The following RUNX2 variants were observed in gnomAD, a reference collection of about 807,000 sequenced individuals.
RUNX2 encodes the protein runt-related transcription factor 2.
Under a neutral mutation model 51.7 loss-of-function variants are expected in RUNX2, and 10 were observed. That is an observed-to-expected ratio of 0.19 (90% CI 0.12 to 0.33). The LOEUF is 0.33. RUNX2 is among the 10% of genes least tolerant of loss of function. RUNX2 has a pLI of 1.00. For missense variants in RUNX2, 562 were observed against 691.3 expected, an observed-to-expected ratio of 0.81 and a Z score of 2.10; for synonymous variants, 276 against 273.6, an observed-to-expected ratio of 1.01 and a Z score of -0.09.
At position 45,547,184 on chromosome 6, in the gene RUNX2, T is replaced by C; in HGVS notation, c.1445T>C (p.Leu482Pro). The change falls in exon 9 of 9, where the codon CTA becomes CCA. Residue 482 changes from leucine to proline, a missense_variant. By Grantham distance (98) the Leu-to-Pro change is moderately conservative. Transcript: ENST00000647337. Reference sequence around the variant, plus strand: ...ACCACCACCTCGAATGGCAGCACGCTATTAAATCCAAATTTGCCTAACCAG... The same window carrying C: ...ACCACCACCTCGAATGGCAGCACGCCATTAAATCCAAATTTGCCTAACCAG... ...PCTTTSNGST[L>P]LNPNLPNQND... is the part of the protein sequence containing the mutation. 1 of 1,614,188 alleles carries C rather than the reference T, an allele frequency of 6.2e-7. No individual in the cohort carries two copies. The highest frequency in any genetic ancestry group is 8.5e-7 in the Non-Finnish European group (1 of 1,180,032).
intron 2 of RUNX2, among the ~76,000 whole-genome samples, chr6:45,395,394 G>T (rs374165384): frequency 1.3e-5 from 2 of 152,152 alleles, no homozygotes; most frequent in Non-Finnish European, 2.9e-5. Flanking sequence ...ACTGTTTTAT[G>T]CTCAAATCTG....
At chr6:45,371,693 T>G (rs1423113920) in intron 2 of RUNX2, among the ~76,000 whole-genome samples, 1 of 152,192 alleles carries the variant, frequency 6.6e-6, no homozygotes, top group South Asian at 2.1e-4. Context: ...GGTCATTAAG[T>G]TATCTTGGAG....
At chr6:45,517,386 G>A (rs1259850512) in intron 7 of RUNX2, among the ~76,000 whole-genome samples, 1 of 151,980 alleles carries the variant, frequency 6.6e-6, no homozygotes, top group Non-Finnish European at 1.5e-5. Flanking sequence ...ATGTTGCCTG[G>A]GCTGGTCTCG....
chr6:45,449,871 T>TA (rs1281634228), intron 5 of RUNX2, among the ~76,000 whole-genome samples: 1 of 152,102 alleles, frequency 6.6e-6, no homozygotes, highest in African/African-American at 2.4e-5. Context: ...AAATTAACTT[T>TA]AAAAAATTGC....
chr6:45,391,071 C>T (rs544293315), intron 2 of RUNX2, among the ~76,000 whole-genome samples: 11 of 152,194 alleles, frequency 7.2e-5, no homozygotes, highest in Non-Finnish European at 1.5e-4. Flanking sequence ...ATAGTCTAAC[C>T]GGAAAAAATG....
chr6:45,417,841 T>C (rs1164518768), intron 2 of RUNX2, among the ~76,000 whole-genome samples: 1 of 152,248 alleles, frequency 6.6e-6, no homozygotes, highest in African/African-American at 2.4e-5. Context: ...ATTATTCTTT[T>C]AATTTTTCAA....
intron 7 of RUNX2, among the ~76,000 whole-genome samples, chr6:45,531,950 C>T (rs530237758): frequency 3.9e-5 from 6 of 152,194 alleles, no homozygotes; most frequent in Non-Finnish European, 7.4e-5. Flanking sequence ...AAATAGCTCA[C>T]GTGGTATCTC....
At chr6:45,339,211 A>C (rs977462771) in intron 2 of RUNX2, among the ~76,000 whole-genome samples, 1 of 152,146 alleles carries the variant, frequency 6.6e-6, no homozygotes, top group Non-Finnish European at 1.5e-5. Context: ...TCACTAGCCT[A>C]TACAAGACTT....
intron 2 of RUNX2, among the ~76,000 whole-genome samples, chr6:45,381,213 T>C (rs1175309982): frequency 6.6e-6 from 1 of 152,214 alleles, no homozygotes; most frequent in Non-Finnish European, 1.5e-5. Context: ...AAAAGATTAC[T>C]CAGCCCGGTA....
chr6:45,478,533 G>T (rs1372161320), intron 5 of RUNX2, among the ~76,000 whole-genome samples: 2 of 152,170 alleles, frequency 1.3e-5, no homozygotes, highest in African/African-American at 4.8e-5. Context: ...AAGTTTTCCT[G>T]CTCCTTGTAT....
intron 5 of RUNX2, among the ~76,000 whole-genome samples, chr6:45,472,001 A>G (rs1419666266): frequency 6.6e-6 from 1 of 152,218 alleles, no homozygotes; most frequent in African/African-American, 2.4e-5. Flanking sequence ...TTAAGAAAAT[A>G]AATCTGATGA....
At chr6:45,342,167 T>C (rs1468570784) in intron 2 of RUNX2, among the ~76,000 whole-genome samples, 1 of 151,830 alleles carries the variant, frequency 6.6e-6, no homozygotes, top group Non-Finnish European at 1.5e-5. Flanking sequence ...ATGAGGAAAA[T>C]AGGAAAGGGT....
intron 2 of RUNX2, among the ~76,000 whole-genome samples, chr6:45,404,184 C>T (rs1797780263): frequency 7.1e-6 from 1 of 140,144 alleles, no homozygotes; most frequent in African/African-American, 2.7e-5. Flanking sequence ...TGCTTGGAAC[C>T]AGGTGGCAGA....
At chr6:45,396,101 T>C (rs954784826) in intron 2 of RUNX2, among the ~76,000 whole-genome samples, 1 of 152,206 alleles carries the variant, frequency 6.6e-6, no homozygotes, top group African/African-American at 2.4e-5. Context: ...ATTATAAAGC[T>C]TTAGTATAAA....
rs1262219211 is a variant in RUNX2 at position 45,550,863 on chromosome 6, T to C, written c.*3558T>C. ...AAGCTTTCATTTTTATTTTTTCCAA[T>C]TGCTATTGCCCAAGAATTGCTTTCC... On this transcript the variant is annotated 3_prime_UTR_variant, in exon 9 of 9. Transcript: ENST00000647337. 3.3e-5 allele frequency: 5 copies of C among 152,664 alleles called. No homozygotes were observed. Among genetic ancestry groups the C allele is most frequent in the African/African-American group, 1.2e-4 (5 of 41,460 alleles). 9.5% of individuals were successfully genotyped at this position (152,664 alleles called of 1,614,324 possible). A position where few individuals can be genotyped will look rare whatever the true frequency, so the allele number is the denominator to read the frequency against.
At chr6:45,533,423 T>G (rs1459806245) in intron 7 of RUNX2, among the ~76,000 whole-genome samples, 1 of 87,582 alleles carries the variant, frequency 1.1e-5, no homozygotes, top group Non-Finnish European at 2.2e-5. Context: ...TCTTGTCCAT[T>G]GTTAAAAAGA....
chr6:45,418,795 G>A (rs1798117459), intron 2 of RUNX2, among the ~76,000 whole-genome samples: 1 of 152,052 alleles, frequency 6.6e-6, no homozygotes, highest in Non-Finnish European at 1.5e-5. Context: ...ACGTTGTTAG[G>A]GTATTCAGTG....
At chr6:45,537,891 C>T (rs1481560558) in intron 7 of RUNX2, among the ~76,000 whole-genome samples, 2 of 152,182 alleles carry the variant, frequency 1.3e-5, no homozygotes, top group Admixed American at 1.3e-4. Context: ...GATCTGCTGG[C>T]ATAACCCAAA....
chr6:45,454,099 A>T (rs1799253448), intron 5 of RUNX2, among the ~76,000 whole-genome samples: 1 of 152,140 alleles, frequency 6.6e-6, no homozygotes, highest in Non-Finnish European at 1.5e-5. Flanking sequence ...TATGCTGAGG[A>T]TGGTGAATAG....
Sources: allele counts gnomAD v4.1 joint callset (sites outside exome capture counted in the v4.1 genomes callset), GRCh38; gene constraint gnomAD v4.1.1; transcripts MANE v1.5; gene names NCBI Gene and HGNC (gene_info 2026-07-23, HGNC 2026-07-21).